Variants in LARS1 observed in about 807,000 individuals in gnomAD.
LARS1 encodes the protein leucyl-tRNA synthetase 1, also known as leucine--tRNA ligase, cytoplasmic.
Under a neutral mutation model 162.8 loss-of-function variants are expected in LARS1, and 100 were observed. That is an observed-to-expected ratio of 0.61 (90% CI 0.52 to 0.73). The LOEUF is 0.73. LARS1 is among the 30% of genes least tolerant of loss of function. LARS1 has a pLI of 0.00. For missense variants in LARS1, 1,258 were observed against 1,408.9 expected (o/e 0.89, Z 1.71); for synonymous variants, 457 against 462.8 (o/e 0.99, Z 0.16).
intron 24 of LARS1, 172 bp downstream of exon 24, chr5:146,130,847 A>T (rs1752244423): frequency 2.2e-6 from 1 of 454,198 alleles, no homozygotes; most frequent in Non-Finnish European, 3.9e-6. Context: ...AAAAAATACC[A>T]AAGATAATAA....
chr5:146,151,886 T>C lies in LARS1; in HGVS notation c.1401A>G (p.Ile467Met). Reference sequence around the variant, plus strand: ...CACCCTCATAAAATCCTTTTAGATATATCTTCTCCTTTGCTTCTGCAAGTT... The same window carrying C: ...CACCCTCATAAAATCCTTTTAGATACATCTTCTCCTTTGCTTCTGCAAGTT... ...REKLAEAKEK[I>M]YLKGFYEGIM... The change falls in exon 14 of 32, where the codon ATA becomes ATG. Residue 467 changes from isoleucine to methionine, a missense_variant. Physicochemically the swap from Ile to Met is conservative, Grantham distance 10 (BLOSUM62 1). Transcript: ENST00000394434. The C allele has an allele frequency of 3.1e-6, 5 of 1,613,950 alleles. No individual in the cohort carries two copies. Among genetic ancestry groups the C allele is most frequent in the Non-Finnish European group, 4.2e-6 (5 of 1,179,922 alleles).
Position 146,129,053 on chromosome 5 carries a change from G to A in LARS1, c.2694C>T (p.Ser898=). The A allele has an allele frequency of 6.2e-7, 1 of 1,610,644 alleles. No individual in the cohort carries two copies. Among genetic ancestry groups the A allele is most frequent in the Non-Finnish European group, 8.5e-7 (1 of 1,177,378 alleles). The part of the protein sequence containing the change: ...AGPVNEVLIH[S]SQYLMEVTHD... ...GTGTTACTTCCATAAGATACTGTGA[G>A]GAGTGTATTAAAACTTCATTAACAG... The change falls in exon 26 of 32, where the codon TCC becomes TCT. Residue 898 remains serine (S), a synonymous_variant. Transcript: ENST00000394434.
rs572191907 is a variant in LARS1 at position 146,156,554 on chromosome 5, G to A, written c.1065+849C>T. 2.2e-3 allele frequency among the ~76,000 whole-genome samples: 340 copies of A among 152,118 alleles called. 2 individuals are homozygous for A. Among genetic ancestry groups the A allele is most frequent in the African/African-American group, 7.6e-3 (315 of 41,516 alleles). Reference sequence around the variant, plus strand: ...ACTAAAAATACAAAAAATTAGCTGGGCGTGGTGGCCCGCACCTGTAATCCC... The same window carrying A: ...ACTAAAAATACAAAAAATTAGCTGGACGTGGTGGCCCGCACCTGTAATCCC... On this transcript the variant is annotated intron_variant, in intron 10 of 31. Transcript: ENST00000394434.
At chr5:146,148,596 C>T (rs1486326583) in intron 15 of LARS1, among the ~76,000 whole-genome samples, 2 of 152,010 alleles carry the variant, frequency 1.3e-5, no homozygotes, top group Non-Finnish European at 2.9e-5. Flanking sequence ...CTACAGTGTA[C>T]GGAGAAGACA....
intron 14 of LARS1, 119 bp from the exon 15 acceptor site, chr5:146,149,818 A>T (rs1263949539): frequency 7.1e-6 from 5 of 704,244 alleles, no homozygotes; most frequent in African/African-American, 1.8e-5. Context: ...TTTAGTATGA[A>T]ATTTATCATA....
chr5:146,155,458 T>C (rs941741159), intron 10 of LARS1, among the ~76,000 whole-genome samples: 1 of 152,200 alleles, frequency 6.6e-6, no homozygotes, highest in Non-Finnish European at 1.5e-5. Flanking sequence ...CTATTTAAAA[T>C]AGTAGTTATG....
chr5:146,140,203 C>CGTAA lies in LARS1; in HGVS notation c.2148_2148+1insTTAC (p.Met717LeufsTer17). On this transcript the variant is annotated frameshift_variant and splice_region_variant. Transcript: ENST00000394434. LOFTEE classifies it high-confidence loss of function. ...AACTTTTAAGATGCAATAAGCCTTACCTTCTCAGAGTTCAGGAGGAGATGT... is the reference window on the plus strand; with the variant it reads ...AACTTTTAAGATGCAATAAGCCTTACGTAACTTCTCAGAGTTCAGGAGGAGATGT... 1.2e-6 allele frequency: 2 copies of CGTAA among 1,610,380 alleles called. No individual in the cohort carries two copies. The highest frequency in any genetic ancestry group is 1.7e-6 in the Non-Finnish European group (2 of 1,176,580).
chr5:146,148,261 T>C (rs1331025581), intron 15 of LARS1, among the ~76,000 whole-genome samples: 1 of 152,108 alleles, frequency 6.6e-6, no homozygotes, highest in Non-Finnish European at 1.5e-5. Flanking sequence ...TTCTTAGCAA[T>C]AGTGGAGGAA....
rs756186244 is a variant in LARS1 at position 146,124,134 on chromosome 5, T to C, written c.2992-48A>G. ...AAAACAAAATCACAGTAAGAATATGTTGGAAAACATACTTCCTCCAAAGTA... is the reference window on the plus strand; with the variant it reads ...AAAACAAAATCACAGTAAGAATATGCTGGAAAACATACTTCCTCCAAAGTA... On this transcript the variant is annotated intron_variant, in intron 28 of 31. Coordinates refer to ENST00000394434, the MANE Select transcript of LARS1 (RefSeq NM_020117.11). 17 of 1,063,716 alleles carry C rather than the reference T, an allele frequency of 1.6e-5. No homozygotes were observed. The East Asian group carries it at 3.8e-4, about 24-fold the overall frequency. 65.9% of individuals were successfully genotyped at this position (1,063,716 alleles called of 1,614,324 possible).
rs557511324 is a variant in LARS1, at chr5:146,135,572, G to A, written c.2212+29C>T. 9.8e-6 allele frequency: 15 copies of A among 1,527,546 alleles called. No homozygotes were observed. The South Asian group carries it at 1.6e-4, about 17-fold the overall frequency. The allele number at this position is 1,527,546 out of a possible 1,614,324, so 94.6% of individuals were successfully genotyped here. ...TATAATCTGAGAACTGGACCCTACAGAACAGCAATAAGAAAAATGTTTACT... is the reference window on the plus strand; with the variant it reads ...TATAATCTGAGAACTGGACCCTACAAAACAGCAATAAGAAAAATGTTTACT... On this transcript the variant is annotated intron_variant, in intron 22 of 31. Coordinates refer to ENST00000394434, the MANE Select transcript of LARS1 (RefSeq NM_020117.11).
chr5:146,161,187 C>T (rs775623266), intron 6 of LARS1, among the ~76,000 whole-genome samples: 3 of 152,116 alleles, frequency 2.0e-5, no homozygotes, highest in Non-Finnish European at 4.4e-5. Flanking sequence ...TACATCATTG[C>T]TATAAAATGC....
chr5:146,132,717 A>C, intron 23 of LARS1, 181 bp downstream of exon 23: 1 of 467,460 alleles, frequency 2.1e-6, no homozygotes, highest in Non-Finnish European at 3.7e-6. Flanking sequence ...TTAAAGTCAG[A>C]TAATGGACAC....
At chr5:146,142,614 C>A (rs1463847369) in intron 20 of LARS1, among the ~76,000 whole-genome samples, 9 of 152,150 alleles carry the variant, frequency 5.9e-5, no homozygotes, top group Non-Finnish European at 1.2e-4. Context: ...CTGCATTTAA[C>A]AGGTCAAATG....
chr5:146,160,253 C>T, intron 7 of LARS1, 121 bp downstream of exon 7: 1 of 502,022 alleles, frequency 2.0e-6, no homozygotes, highest in Non-Finnish European at 3.5e-6. Flanking sequence ...CCAGGCTGGT[C>T]TCAAACTCCT....
At chr5:146,130,984 A>C (rs1752251882) in intron 24 of LARS1, 35 bp downstream of exon 24, 1 of 1,185,142 alleles carries the variant, frequency 8.4e-7, no homozygotes, top group Admixed American at 2.2e-5. Flanking sequence ...TCACATTGAC[A>C]TGTTTTATAG....
intron 20 of LARS1, among the ~76,000 whole-genome samples, chr5:146,140,617 C>T (rs1403313428): frequency 2.0e-5 from 3 of 152,162 alleles, no homozygotes; most frequent in Admixed American, 2.0e-4. Context: ...ACCAGCCTGG[C>T]CAGGAGGGTG....
intron 22 of LARS1, among the ~76,000 whole-genome samples, chr5:146,133,735 T>C (rs907772706): frequency 1.3e-5 from 2 of 150,854 alleles, no homozygotes; most frequent in African/African-American, 4.9e-5. Context: ...TATGTAGTTA[T>C]TTCCGTCTTT....
chr5:146,168,338 T>C (rs1444623312), intron 4 of LARS1, 73 bp from the exon 5 acceptor site: 1 of 1,495,862 alleles, frequency 6.7e-7, no homozygotes, highest in Non-Finnish European at 9.0e-7. Context: ...CTGTTTTTAT[T>C]GCCAACTAAA....
chr5:146,116,130 C>T (rs1764196579), intron 31 of LARS1, among the ~76,000 whole-genome samples: 1 of 152,096 alleles, frequency 6.6e-6, no homozygotes, highest in African/African-American at 2.4e-5. Context: ...CAATCTATTC[C>T]CAGACACAGT....
Sources: allele counts gnomAD v4.1 joint callset (sites outside exome capture counted in the v4.1 genomes callset), GRCh38; gene constraint gnomAD v4.1.1; transcripts MANE v1.5; gene names NCBI Gene and HGNC (gene_info 2026-07-23, HGNC 2026-07-21).